ACTN1: variants seen among roughly 807,000 people sequenced by gnomAD.
The protein encoded by ACTN1 is actinin alpha 1.
Under a neutral mutation model 119.6 loss-of-function variants are expected in ACTN1, and 30 were observed. That is an observed-to-expected ratio of 0.25 (90% confidence interval 0.19 to 0.34). The LOEUF (loss-of-function observed/expected upper bound fraction) is 0.34. Among genes scored for constraint, ACTN1 ranks in the 10% least tolerant of loss-of-function variants. The probability of loss-of-function intolerance (pLI) is 1.00; values close to 1 mark genes in which losing one functional copy is unlikely to be tolerated. For missense variants in ACTN1, 764 were observed against 1,223.4 expected (o/e 0.62, Z 5.60); for synonymous variants, 429 against 472.6 (o/e 0.91, Z 1.20).
chr14:68,910,683 C>A (rs1176121256), intron 4 of ACTN1, among the ~76,000 whole-genome samples: 1 of 152,118 alleles, frequency 6.6e-6, no homozygotes, highest in Non-Finnish European at 1.5e-5. Context: ...GCTGTGTCCC[C>A]GCCCAAATCT....
At chr14:68,957,769 CT>C (rs1432867514) in intron 1 of ACTN1, among the ~76,000 whole-genome samples, 2 of 152,036 alleles carry the variant, frequency 1.3e-5, no homozygotes, top group Non-Finnish European at 1.5e-5. Context: ...GGGAAGGGGT[CT>C]CCCTGCCCTG....
At chr14:68,970,930 T>A (rs202041314) in intron 1 of ACTN1, among the ~76,000 whole-genome samples, 2 of 152,334 alleles carry the variant, frequency 1.3e-5, no homozygotes, top group East Asian at 3.9e-4. Context: ...TTACTTTCCC[T>A]GCATGTAAAA....
At chr14:68,978,714 C>T in intron 1 of ACTN1, 3 of 347,948 alleles carry the variant, frequency 8.6e-6, no homozygotes, top group Non-Finnish European at 1.5e-5. Context: ...TGCCCGCCAG[C>T]GGCGCCACCT....
Position 68,878,924 on chromosome 14 carries a change from G to T in ACTN1, c.2361+65C>A. On this transcript the variant is annotated intron_variant, in intron 19 of 21. Coordinates refer to ENST00000394419, the MANE Select transcript of ACTN1 (RefSeq NM_001130004.2). The surrounding 1 kb of genome is among the most constrained non-coding windows in gnomAD (Gnocchi z 4.4). ...ATCCAGACAGAGAGAAGAGAAAAAG[G>T]AAAAACGCATTATTTCTTGCCCCAG... is the stretch of plus-strand genomic sequence containing the variant. 1 of 1,610,150 alleles carries T rather than the reference G, an allele frequency of 6.2e-7. No individual in the cohort carries two copies. Among genetic ancestry groups the T allele is most frequent in the South Asian group, 1.1e-5 (1 of 90,994 alleles).
chr14:68,911,579 G>T (rs2070279), intron 4 of ACTN1, among the ~76,000 whole-genome samples: 27,041 of 152,226 alleles, frequency 0.18, 3,246 homozygotes, highest in East Asian at 0.63. Context: ...TTAAAAAATA[G>T]TATCTCCATC....
At chr14:68,944,661 G>A (rs575987537) in intron 1 of ACTN1, among the ~76,000 whole-genome samples, 1 of 152,296 alleles carries the variant, frequency 6.6e-6, no homozygotes, top group East Asian at 1.9e-4. Context: ...CTGATCCTGG[G>A]GGGCTGTAGG....
chr14:68,882,349 C>G lies in ACTN1; in HGVS notation c.1953+109G>C. On this transcript the variant is annotated intron_variant, in intron 16 of 21. Coordinates refer to ENST00000394419, the MANE Select transcript of ACTN1 (RefSeq NM_001130004.2). This position sits in a 1 kb window ranked among gnomAD's most constrained non-coding sequence, Gnocchi z 4.5. ...AGCAGACCCACGGTGGGCTCCGGGC[C>G]TCAGTCCTCCATGGGTCCCACCCAG... is the stretch of plus-strand genomic sequence containing the variant. The G allele has an allele frequency of 6.7e-7, 1 of 1,482,674 alleles. No individual in the cohort carries two copies. Among genetic ancestry groups the G allele is most frequent in the South Asian group, 1.3e-5 (1 of 77,178 alleles). 91.8% of individuals were successfully genotyped at this position (1,482,674 alleles called of 1,614,324 possible). A position where few individuals can be genotyped will look rare whatever the true frequency, so the allele number is the denominator to read the frequency against.
intron 8 of ACTN1, among the ~76,000 whole-genome samples, chr14:68,899,468 TAC>T (rs2033156968): frequency 9.4e-6 from 1 of 106,302 alleles, no homozygotes; most frequent in Admixed American, 8.7e-5. Flanking sequence ...ACACTCCACA[TAC>T]ACACACCACA....
chr14:68,884,741 A>C lies in ACTN1; in HGVS notation c.1494+34T>G, dbSNP rs200853262. The C allele has an allele frequency of 3.1e-3, 4,862 of 1,552,798 alleles. 13 individuals are homozygous for C. Among genetic ancestry groups the C allele is most frequent in the Non-Finnish European group, 3.5e-3 (3,912 of 1,124,378 alleles). ...GGAAGGGGCACCACAGGGCTGCCGG[A>C]TATGGGCCTAGATCTCCCTCTGGGA... On this transcript the variant is annotated intron_variant, in intron 13 of 21. Transcript: ENST00000394419.
In ACTN1 at chr14:68,921,034, G is replaced by A. The variant is rs1306449912; in HGVS notation, c.312C>T (p.Gly104=). ...CGGCTCCGATGGACACCAGTTTGAC[G>A]CCTTTGCTGGCTATGAAATCCAGGG... ...NKALDFIASK[G]VKLVSIGAEE... Residue 104 remains glycine (G), a synonymous_variant, in exon 3 of 22, where the codon GGC becomes GGT. Coordinates refer to ENST00000394419, the MANE Select transcript of ACTN1 (RefSeq NM_001130004.2). 4.3e-6 allele frequency: 7 copies of A among 1,613,996 alleles called. No individual in the cohort carries two copies. Among genetic ancestry groups the A allele is most frequent in the African/African-American group, 2.7e-5 (2 of 74,924 alleles).
chr14:68,949,993 T>C lies in ACTN1; in HGVS notation c.106-24321A>G, dbSNP rs1246274147. ...GGTACAGAGTTTCAGTTTTACAAGA[T>C]GAAAAGAGTTCAGAAGATGGGGCTG... On this transcript the variant is annotated intron_variant, in intron 1 of 21. Transcript: ENST00000394419. 3.3e-5 allele frequency among the ~76,000 whole-genome samples: 5 copies of C among 152,122 alleles called. No homozygotes were observed. The East Asian group carries it at 9.6e-4, about 29-fold the overall frequency.
chr14:68,904,317 C>T (rs992764010), intron 7 of ACTN1, among the ~76,000 whole-genome samples: 1 of 152,206 alleles, frequency 6.6e-6, no homozygotes, highest in African/African-American at 2.4e-5. Flanking sequence ...GCAAGGGAAA[C>T]TTCCCATCCC....
chr14:68,886,054 C>T (rs2031979241), intron 11 of ACTN1: 1 of 154,218 alleles, frequency 6.5e-6, no homozygotes, highest in African/African-American at 2.4e-5. Flanking sequence ...GTGGCTAGCG[C>T]CTTCTCTGAC....
intron 21 of ACTN1, 94 bp from the exon 22 acceptor site, chr14:68,875,111 A>T: frequency 1.3e-6 from 2 of 1,567,872 alleles, no homozygotes; most frequent in Non-Finnish European, 1.7e-6. Context: ...GCGTGAAGGC[A>T]GCATGTGCCG....
intron 4 of ACTN1, among the ~76,000 whole-genome samples, chr14:68,911,280 C>A (rs1293932106): frequency 2.6e-5 from 4 of 152,186 alleles, no homozygotes; most frequent in African/African-American, 9.7e-5. Flanking sequence ...GACAAGAAGT[C>A]CACCCAAAAG....
At chr14:68,917,629 T>C (rs2034377764) in intron 3 of ACTN1, among the ~76,000 whole-genome samples, 1 of 152,230 alleles carries the variant, frequency 6.6e-6, no homozygotes, top group African/African-American at 2.4e-5. Context: ...CTGCCTCATC[T>C]AGTTTCTTGG....
chr14:68,912,663 T>C (rs2034075972), intron 3 of ACTN1, among the ~76,000 whole-genome samples: 1 of 152,130 alleles, frequency 6.6e-6, no homozygotes, highest in Non-Finnish European at 1.5e-5. Flanking sequence ...AGGCATGAGC[T>C]ACCATGCCTG....
intron 8 of ACTN1, among the ~76,000 whole-genome samples, chr14:68,895,955 C>T (rs377765963): frequency 2.0e-5 from 3 of 152,150 alleles, no homozygotes; most frequent in South Asian, 2.1e-4. Flanking sequence ...AAAGATCCAA[C>T]CGCATTCCCA....
chr14:68,895,801 G>A (rs976933282), intron 8 of ACTN1, among the ~76,000 whole-genome samples: 1 of 152,146 alleles, frequency 6.6e-6, no homozygotes, highest in African/African-American at 2.4e-5. Flanking sequence ...TGCATTTGTG[G>A]GATTTTACAT....
Sources: gnomAD v4.1 joint callset for allele counts (sites outside exome capture counted in the v4.1 genomes callset) on GRCh38, gnomAD v4.1.1 for gene constraint, Gnocchi (gnomAD v3.1) non-coding constraint, MANE v1.5 for transcripts, NCBI Gene and HGNC (gene_info 2026-07-23, HGNC 2026-07-21) for gene names.